GALNT18: variants seen among roughly 807,000 people sequenced by gnomAD.
The protein encoded by GALNT18 is polypeptide N-acetylgalactosaminyltransferase 18.
Under a neutral mutation model 69.5 loss-of-function variants are expected in GALNT18, and 44 were observed. The observed-to-expected ratio is 0.63, with a 90% CI of 0.50 to 0.81. The LOEUF (loss-of-function observed/expected upper bound fraction) is 0.81. GALNT18 is among the 40% of genes least tolerant of loss of function. The probability of loss-of-function intolerance (pLI) is 0.00; values close to 1 mark genes in which losing one functional copy is unlikely to be tolerated. For missense variants in GALNT18, 715 were observed against 810.0 expected (o/e 0.88, Z 1.42); for synonymous variants, 364 against 318.2 (o/e 1.14, Z -1.53).
chr11:11,618,170 T>G lies in GALNT18; in HGVS notation c.235+3189A>C, dbSNP rs990667268. ...AAGCCTCTTCTAATTGCAAGTCCTA[T>G]GGAACATCCTGCAGAACATTTTGTG... On this transcript the variant is annotated intron_variant, in intron 1 of 10. Transcript: ENST00000227756. This position sits in a 1 kb window ranked among gnomAD's most constrained non-coding sequence, Gnocchi z 6.1. Among the ~76,000 whole-genome samples, 1 of 152,248 alleles carries G rather than the reference T, an allele frequency of 6.6e-6. No homozygotes were observed. Among genetic ancestry groups the G allele is most frequent in the African/African-American group, 2.4e-5 (1 of 41,462 alleles).
At chr11:11,534,584 A>G (rs1263558662) in intron 1 of GALNT18, among the ~76,000 whole-genome samples, 1 of 152,170 alleles carries the variant, frequency 6.6e-6, no homozygotes, top group African/African-American at 2.4e-5. Context: ...AGACATACAC[A>G]CTGAGATACA....
chr11:11,328,733 G>A (rs1488619483), intron 8 of GALNT18, among the ~76,000 whole-genome samples: 2 of 152,088 alleles, frequency 1.3e-5, no homozygotes, highest in Non-Finnish European at 2.9e-5. Flanking sequence ...CCAATTCCTT[G>A]GTTTACCTTA....
Position 11,432,857 on chromosome 11 carries a change from T to C in GALNT18, c.429-70A>G. 6.6e-7 allele frequency: 1 copy of C among 1,509,592 alleles called. No individual in the cohort carries two copies. The highest frequency in any genetic ancestry group is 9.0e-7 in the Non-Finnish European group (1 of 1,107,058). 93.5% of individuals were successfully genotyped at this position (1,509,592 alleles called of 1,614,324 possible). A position where few individuals can be genotyped will look rare whatever the true frequency, so the allele number is the denominator to read the frequency against. On this transcript the variant is annotated intron_variant, in intron 2 of 10. Coordinates refer to ENST00000227756, the MANE Select transcript of GALNT18 (RefSeq NM_198516.3). The surrounding 1 kb of genome is among the most constrained non-coding windows in gnomAD (Gnocchi z 5.8). ...TCATCTCAGGAGCTGACCCAGCCCA[T>C]GTCCTGGCTCCAGCTTTGCTGGAGG... is the stretch of plus-strand genomic sequence containing the variant.
At chr11:11,300,515 C>T (rs369574781) in intron 9 of GALNT18, among the ~76,000 whole-genome samples, 1 of 152,144 alleles carries the variant, frequency 6.6e-6, no homozygotes, top group African/African-American at 2.4e-5. Context: ...TGCAGCCCAA[C>T]AAGGAATTAA....
chr11:11,372,548 G>A lies in GALNT18; in HGVS notation c.1059C>T (p.Val353=). Residue 353 remains valine (V), a synonymous_variant, in exon 6 of 11, where the codon GTC becomes GTT. Transcript: ENST00000227756. The surrounding 1 kb of genome is among the most constrained non-coding windows in gnomAD (Gnocchi z 4.9). ...EIGLLDEGME[V]YGGENVELGI... ...CAAGCTCCACATTCTCGCCCCCGTAGACTTCCATGCCTTCGTCCAGCAGGC... is the reference window on the plus strand; with the variant it reads ...CAAGCTCCACATTCTCGCCCCCGTAAACTTCCATGCCTTCGTCCAGCAGGC... The A allele has an allele frequency of 2.5e-6, 4 of 1,614,194 alleles. No homozygotes were observed. The highest frequency in any genetic ancestry group is 3.4e-6 in the Non-Finnish European group (4 of 1,180,032).
chr11:11,391,256 G>A (rs530309587), intron 3 of GALNT18, among the ~76,000 whole-genome samples: 1 of 152,306 alleles, frequency 6.6e-6, no homozygotes, highest in African/African-American at 2.4e-5. Flanking sequence ...CCCCTTAACA[G>A]TGATTTCTAT....
Position 11,538,481 on chromosome 11 carries a change from G to A in GALNT18, c.235+82878C>T, listed in dbSNP as rs1317551383. On this transcript the variant is annotated intron_variant, in intron 1 of 10. Coordinates refer to ENST00000227756, the MANE Select transcript of GALNT18 (RefSeq NM_198516.3). The surrounding 1 kb of genome is among the most constrained non-coding windows in gnomAD (Gnocchi z 5.2). ...CCCAGAGGCCTGGGCCTGCAGGGTG[G>A]GAGAGACCAGCATACCACAAGCACC... Among the ~76,000 whole-genome samples, 1 of 152,206 alleles carries A rather than the reference G, an allele frequency of 6.6e-6. No homozygotes were observed. Among genetic ancestry groups the A allele is most frequent in the East Asian group, 1.9e-4 (1 of 5,180 alleles).
chr11:11,409,752 G>T (rs11021838), intron 3 of GALNT18, among the ~76,000 whole-genome samples: 17,196 of 152,144 alleles, frequency 0.11, 1,619 homozygotes, highest in East Asian at 0.42. Context: ...TATGTGAGTT[G>T]GAACGGGGAA....
intron 6 of GALNT18, among the ~76,000 whole-genome samples, chr11:11,364,954 A>G (rs1850728627): frequency 1.3e-5 from 2 of 152,218 alleles, no homozygotes; most frequent in African/African-American, 2.4e-5. Context: ...TTATTTTACT[A>G]TCTCACTGTT....
chr11:11,288,718 C>G (rs1377593731), intron 10 of GALNT18, among the ~76,000 whole-genome samples: 1 of 152,196 alleles, frequency 6.6e-6, no homozygotes, highest in East Asian at 1.9e-4. Context: ...GTGTCAGTAT[C>G]TAACGCTGTC....
rs1860000544 is a variant in GALNT18 at position 11,614,528 on chromosome 11, C to A, written c.235+6831G>T. On this transcript the variant is annotated intron_variant, in intron 1 of 10. Transcript: ENST00000227756. The surrounding 1 kb of genome is among the most constrained non-coding windows in gnomAD (Gnocchi z 5.6). ...CTCCCACTAGGCCCCACCTCAAACA[C>A]TGGGGACCACATTTCAACATGAGAT... Among the ~76,000 whole-genome samples the A allele has an allele frequency of 2.0e-5, 3 of 152,162 alleles. No individual in the cohort carries two copies. Among genetic ancestry groups the A allele is most frequent in the Admixed American group, 6.5e-5 (1 of 15,272 alleles).
intron 6 of GALNT18, chr11:11,352,846 G>A: frequency 1.2e-6 from 2 of 1,614,126 alleles, no homozygotes; most frequent in Admixed American, 3.3e-5. Context: ...ATGATGTTGG[G>A]ACCTCCTCTC....
At chr11:11,514,544 C>T (rs1012620807) in intron 1 of GALNT18, among the ~76,000 whole-genome samples, 11 of 152,208 alleles carry the variant, frequency 7.2e-5, no homozygotes, top group Non-Finnish European at 1.3e-4. Context: ...TCACATTTCC[C>T]ATTGCTTGTC....
chr11:11,570,482 T>C (rs1858765869), intron 1 of GALNT18, among the ~76,000 whole-genome samples: 1 of 152,196 alleles, frequency 6.6e-6, no homozygotes, highest in Non-Finnish European at 1.5e-5. Flanking sequence ...CCTCCCTAGG[T>C]TTCTTGAACA....
intron 1 of GALNT18, among the ~76,000 whole-genome samples, chr11:11,556,299 C>A (rs61872872): frequency 0.2 from 30,771 of 152,148 alleles, 3,718 homozygotes; most frequent in Non-Finnish European, 0.26. Context: ...GTAGTCTACC[C>A]CTAGAATTGT....
rs536772809 is a variant in GALNT18, at chr11:11,596,191, C to T, written c.235+25168G>A. ...AGCATCCTTATCAAAATAAAATTGA[C>T]CATAAATTTAAGCACTTAATTCTGG... On this transcript the variant is annotated intron_variant, in intron 1 of 10. Transcript: ENST00000227756. The surrounding 1 kb of genome is among the most constrained non-coding windows in gnomAD (Gnocchi z 4.2). Among the ~76,000 whole-genome samples the T allele has an allele frequency of 6.6e-6, 1 of 152,140 alleles. No homozygotes were observed. The highest frequency in any genetic ancestry group is 1.5e-5 in the Non-Finnish European group (1 of 68,020).
chr11:11,532,187 C>T (rs1028629139), intron 1 of GALNT18, among the ~76,000 whole-genome samples: 4 of 151,830 alleles, frequency 2.6e-5, no homozygotes, highest in African/African-American at 7.3e-5. Flanking sequence ...GTAAAAAAAA[C>T]GCAGGAGAAA....
At chr11:11,279,380 G>T (rs1190317126) in intron 10 of GALNT18, among the ~76,000 whole-genome samples, 2 of 152,044 alleles carry the variant, frequency 1.3e-5, no homozygotes, top group East Asian at 3.9e-4. Context: ...CTGTTGAAAT[G>T]GGCAGTACCT....
At chr11:11,556,900 A>G (rs1450711189) in intron 1 of GALNT18, among the ~76,000 whole-genome samples, 1 of 152,174 alleles carries the variant, frequency 6.6e-6, no homozygotes, top group Non-Finnish European at 1.5e-5. Context: ...TAGAAAATCC[A>G]TTTTTCTATC....
Sources: allele counts gnomAD v4.1 joint callset (sites outside exome capture counted in the v4.1 genomes callset), GRCh38; gene constraint gnomAD v4.1.1; non-coding constraint Gnocchi (gnomAD v3.1); transcripts MANE v1.5; gene names NCBI Gene and HGNC (gene_info 2026-07-23, HGNC 2026-07-21).